The following CA5A variants were observed in gnomAD, a reference collection of about 807,000 sequenced individuals.
CA5A encodes the protein carbonic anhydrase 5A, also known as carbonic anhydrase 5A, mitochondrial.
Under a neutral mutation model 37.1 loss-of-function variants are expected in CA5A, and 28 were observed. The ratio of observed to expected loss-of-function variants is 0.75; its 90% CI spans 0.56 to 1.03. CA5A has a LOEUF of 1.03. Ranked by LOEUF, CA5A falls within the 50% of genes least tolerant of loss-of-function variation. The pLI is 0.00. For missense variants in CA5A, 444 were observed against 399.9 expected, an observed-to-expected ratio of 1.11 and a Z score of -0.94; for synonymous variants, 171 against 158.4, an observed-to-expected ratio of 1.08 and a Z score of -0.60.
intron 2 of CA5A, 25 bp from the exon 3 acceptor site, chr16:87,904,929 G>A (rs774233718): frequency 6.9e-7 from 1 of 1,458,766 alleles, no homozygotes; most frequent in Non-Finnish European, 9.6e-7. Flanking sequence ...AGTGAGACGT[G>A]TGTGTCATTT....
Position 87,888,054 on chromosome 16 carries a change from T to TCA in CA5A, c.*73_*74dup. 1.3e-6 allele frequency: 2 copies of TCA among 1,517,036 alleles called. No homozygotes were observed. Among genetic ancestry groups the TCA allele is most frequent in the Non-Finnish European group, 1.8e-6 (2 of 1,129,108 alleles). The allele number at this position is 1,517,036 out of a possible 1,614,324, so 94.0% of individuals were successfully genotyped here. ...TTTTAATTTCAGAAGTCATGTACAA[T>TCA]CACATTGTGAAACTTGGGAAACAAC... is the stretch of plus-strand genomic sequence containing the variant. On this transcript the variant is annotated 3_prime_UTR_variant, in exon 7 of 7. Transcript: ENST00000649794.
At chr16:87,896,652 G>T (rs56768079) in intron 5 of CA5A, among the ~76,000 whole-genome samples, 50,601 of 152,020 alleles carry the variant, frequency 0.33, 9,460 homozygotes, top group African/African-American at 0.51. Flanking sequence ...TTTATTTATT[G>T]TTTTTGAGAC....
downstream of CA5A, chr16:87,884,389 GA>G (rs999165068): frequency 1.3e-5 from 2 of 150,770 alleles, no homozygotes; most frequent in African/African-American, 4.9e-5. Context: ...CCAACATGGA[GA>G]AACCCCGTCT....
intron 2 of CA5A, among the ~76,000 whole-genome samples, chr16:87,922,800 T>C (rs1236475303): frequency 6.6e-6 from 1 of 152,254 alleles, no homozygotes; most frequent in South Asian, 2.1e-4. Flanking sequence ...TTTGTGAATG[T>C]TGGATGCAGA....
At chr16:87,916,167 C>CAAAAA (rs371241361) in intron 2 of CA5A, among the ~76,000 whole-genome samples, 11 of 109,296 alleles carry the variant, frequency 1.0e-4, no homozygotes, top group East Asian at 2.5e-4. Flanking sequence ...GACTCCGTCT[C>CAAAAA]AAAAAAAAAA....
intron 2 of CA5A, among the ~76,000 whole-genome samples, chr16:87,921,899 G>A (rs952760684): frequency 8.6e-5 from 13 of 151,574 alleles, no homozygotes; most frequent in Admixed American, 3.9e-4. Context: ...ACAGGATCTC[G>A]CTGTGTTGCC....
chr16:87,896,289 C>A (rs544315980), intron 5 of CA5A, among the ~76,000 whole-genome samples: 10 of 152,244 alleles, frequency 6.6e-5, no homozygotes, highest in African/African-American at 2.2e-4. Context: ...CATGCCACTG[C>A]GGGTAGGTTT....
chr16:87,898,415 G>C (rs961551970), intron 5 of CA5A, among the ~76,000 whole-genome samples: 27 of 152,184 alleles, frequency 1.8e-4, no homozygotes, highest in African/African-American at 6.3e-4. Context: ...TCAGGAATTA[G>C]ATTCAACCAC....
intron 1 of CA5A, among the ~76,000 whole-genome samples, chr16:87,935,552 A>G (rs1199380854): frequency 4.6e-5 from 7 of 152,284 alleles, no homozygotes; most frequent in Middle Eastern, 3.4e-3. Context: ...CGGAGGCTAA[A>G]TGATTCACCC....
Position 87,898,872 on chromosome 16 carries a change from T to C in CA5A, c.618+3040A>G, listed in dbSNP as rs1393613795. On this transcript the variant is annotated intron_variant, in intron 5 of 6. Transcript: ENST00000649794. ...GCCTCAGCCTCCTGAGTAGCTGGGA[T>C]TACAGGAGTGTGCCACGATACCCAG... is the stretch of plus-strand genomic sequence containing the variant. 8.6e-5 allele frequency among the ~76,000 whole-genome samples: 13 copies of C among 152,006 alleles called. No homozygotes were observed. The East Asian group carries it at 1.4e-3, about 16-fold the overall frequency.
intron 2 of CA5A, among the ~76,000 whole-genome samples, chr16:87,908,552 C>A: frequency 6.6e-6 from 1 of 152,198 alleles, no homozygotes; most frequent in East Asian, 1.9e-4. Flanking sequence ...CCACTGACAG[C>A]CGATGCCTGC....
chr16:87,884,076 T>G (rs1219107023), downstream of CA5A: 1 of 151,906 alleles, frequency 6.6e-6, no homozygotes, highest in East Asian at 1.9e-4. Context: ...AGGTTTATTG[T>G]AAAACTTTCT....
chr16:87,904,340 C>CA (rs10648205), intron 3 of CA5A, among the ~76,000 whole-genome samples: 4,311 of 139,256 alleles, frequency 0.031, 188 homozygotes, highest in African/African-American at 0.099. Flanking sequence ...AACCCTGTTT[C>CA]AAAAAAAAAA....
At position 87,913,857 on chromosome 16, in the gene CA5A, G is replaced by T. The variant is rs1218624955; in HGVS notation, c.341-8953C>A. Among the ~76,000 whole-genome samples, 4 of 152,336 alleles carry T rather than the reference G, an allele frequency of 2.6e-5. No homozygotes were observed. The East Asian group carries it at 7.7e-4, about 29-fold the overall frequency. ...TCCTTGTCTGCTCTTGCTGGGTGCA[G>T]CCGTGTGTAGTGGCCCAAGGGGGGT... On this transcript the variant is annotated intron_variant, in intron 2 of 6. Transcript: ENST00000649794.
At chr16:87,926,252 G>C (rs565993835) in intron 2 of CA5A, among the ~76,000 whole-genome samples, 5 of 128,460 alleles carry the variant, frequency 3.9e-5, no homozygotes, top group Non-Finnish European at 8.7e-5. Context: ...ATAAAATGTC[G>C]GCCAGGTCAC....
chr16:87,918,417 T>C (rs2056185120), intron 2 of CA5A, among the ~76,000 whole-genome samples: 1 of 141,668 alleles, frequency 7.1e-6, no homozygotes, highest in Admixed American at 7.1e-5. Context: ...CAGCCTTTCC[T>C]CCTTGGCCTT....
chr16:87,904,959 G>A (rs1431209597), intron 2 of CA5A, 55 bp from the exon 3 acceptor site: 23 of 1,113,892 alleles, frequency 2.1e-5, no homozygotes, highest in Non-Finnish European at 3.0e-5. Context: ...GTTGAGCTGT[G>A]GTGTTACCTG....
chr16:87,928,110 C>T (rs2056338189), intron 1 of CA5A, among the ~76,000 whole-genome samples: 1 of 152,134 alleles, frequency 6.6e-6, no homozygotes, highest in Admixed American at 6.6e-5. Flanking sequence ...CTGGCGTGTC[C>T]TGTGGCTCCT....
At chr16:87,888,331 G>C (rs2055667483) in intron 6 of CA5A, 59 bp from the exon 7 acceptor site, 1 of 1,507,488 alleles carries the variant, frequency 6.6e-7, no homozygotes, top group East Asian at 2.3e-5. Flanking sequence ...CCAGCCTCTG[G>C]GTGTCCCTCA....
Sources: gnomAD v4.1 joint callset for allele counts (sites outside exome capture counted in the v4.1 genomes callset) on GRCh38, gnomAD v4.1.1 for gene constraint, MANE v1.5 for transcripts, NCBI Gene and HGNC (gene_info 2026-07-23, HGNC 2026-07-21) for gene names.